PTK7: variants seen among roughly 807,000 people sequenced by gnomAD.
PTK7 encodes the protein inactive tyrosine-protein kinase 7.
PTK7 carries 39 observed loss-of-function variants against 116.6 expected under a neutral mutation model. That is an observed-to-expected ratio of 0.33 (90% CI 0.26 to 0.44). The LOEUF is 0.44. PTK7 is among the 20% of genes least tolerant of loss of function. PTK7 has a pLI of 1.00. For synonymous variants in PTK7, 546 were observed against 563.6 expected (o/e 0.97, Z 0.44); for missense variants, 1,169 against 1,425.6 (o/e 0.82, Z 2.90).
intron 1 of PTK7, among the ~76,000 whole-genome samples, chr6:43,084,407 TG>T (rs1266652670): frequency 6.6e-6 from 1 of 152,198 alleles, no homozygotes; most frequent in Non-Finnish European, 1.5e-5. Context: ...CTTGCCAAAG[TG>T]TTGGGATTAC....
intron 1 of PTK7, among the ~76,000 whole-genome samples, chr6:43,117,012 C>T (rs1213712852): frequency 6.6e-6 from 1 of 151,828 alleles, no homozygotes; most frequent in African/African-American, 2.4e-5. Flanking sequence ...TTAATAGGGA[C>T]GGGGTTTCAC....
At chr6:43,130,913 C>T (rs924439872) in intron 5 of PTK7, among the ~76,000 whole-genome samples, 49 of 152,244 alleles carry the variant, frequency 3.2e-4, no homozygotes, top group Admixed American at 6.5e-4. Flanking sequence ...CTCCCCACCA[C>T]CCACATGGGT....
intron 1 of PTK7, among the ~76,000 whole-genome samples, chr6:43,124,668 C>T (rs958749412): frequency 4.6e-5 from 7 of 151,510 alleles, no homozygotes; most frequent in Non-Finnish European, 8.8e-5. Context: ...AGAGTGAGAC[C>T]CTATCTCAAA....
At position 43,141,678 on chromosome 6, in the gene PTK7, C is replaced by A. The variant is rs865936832; in HGVS notation, c.1629C>A (p.Ser543Arg). The change falls in exon 11 of 20, where the codon AGC (serine) becomes AGA (arginine). Residue 543 changes from serine (S) to arginine (R), a missense_variant. Around this residue, in one of 3 missense-constraint regions of PTK7, gnomAD observed 678 missense variants for 853.8 expected, o/e 0.79. Transcript: ENST00000230419. This position sits in a 1 kb window ranked among gnomAD's most constrained non-coding sequence, Gnocchi z 4.9. ...TTGTTACCCCTGCAGATGGGAGCAG[C>A]CTCCCAGAGTGGGTGACAGACAACG... ...TIKWERADGS[S>R]LPEWVTDNAG... 3.7e-6 allele frequency: 6 copies of A among 1,614,028 alleles called. No individual in the cohort carries two copies. In the Middle Eastern group the frequency reaches 5.0e-4, roughly 133 times the overall value.
At chr6:43,115,159 G>C (rs1030548910) in intron 1 of PTK7, among the ~76,000 whole-genome samples, 1 of 150,478 alleles carries the variant, frequency 6.6e-6, no homozygotes, top group African/African-American at 2.4e-5. Context: ...TACTTATTTT[G>C]CTATCTTTAG....
chr6:43,160,671 C>G (rs750779853), intron 19 of PTK7, 50 bp from the exon 20 acceptor site: 121 of 1,600,876 alleles, frequency 7.6e-5, no homozygotes, highest in Non-Finnish European at 9.4e-5. Context: ...AAGTGTTGAA[C>G]AAGTTGTTGA....
At chr6:43,119,700 T>A (rs1768846524) in intron 1 of PTK7, among the ~76,000 whole-genome samples, 1 of 152,152 alleles carries the variant, frequency 6.6e-6, no homozygotes, top group Non-Finnish European at 1.5e-5. Flanking sequence ...TATTTCCCAG[T>A]CTCCTGTTCC....
intron 7 of PTK7, among the ~76,000 whole-genome samples, chr6:43,136,430 C>T (rs1294357448): frequency 1.3e-5 from 2 of 152,104 alleles, no homozygotes; most frequent in African/African-American, 2.4e-5. Flanking sequence ...TGGGCCCGCT[C>T]GTCTACCTGG....
chr6:43,081,843 T>C (rs1766400728), intron 1 of PTK7, among the ~76,000 whole-genome samples: 2 of 152,166 alleles, frequency 1.3e-5, no homozygotes, highest in African/African-American at 2.4e-5. Flanking sequence ...CCAGCTTCTT[T>C]GAGTTGGGGT....
At chr6:43,142,126 C>G in intron 12 of PTK7, 45 bp downstream of exon 12, 1 of 1,611,396 alleles carries the variant, frequency 6.2e-7, no homozygotes, top group Non-Finnish European at 8.5e-7. Context: ...CTCCTGCAGC[C>G]CCCCTCCCTG....
At chr6:43,142,130 C>A (rs774540557) in intron 12 of PTK7, 42 bp from the exon 13 acceptor site, 3 of 1,611,888 alleles carry the variant, frequency 1.9e-6, no homozygotes, top group Admixed American at 3.3e-5. Context: ...TGCAGCCCCC[C>A]TCCCTGCGAG....
intron 7 of PTK7, chr6:43,133,694 A>G (rs1769849243): frequency 6.6e-6 from 1 of 152,244 alleles, no homozygotes; most frequent in Non-Finnish European, 1.5e-5. Context: ...ATACACAATA[A>G]AAATTACAAT....
rs773505490 is a variant in PTK7, at chr6:43,158,985, G to C, written c.2873+17G>C. 1 of 1,612,300 alleles carries C rather than the reference G, an allele frequency of 6.2e-7. No homozygotes were observed. The highest frequency in any genetic ancestry group is 1.1e-5 in the South Asian group (1 of 91,052). ...GTACAACAGGTAGAAGGGCATGCGT[G>C]GGGTGGGGGCTCCCCATTTTTTCCC... On this transcript the variant is annotated intron_variant, in intron 18 of 19. Transcript: ENST00000230419.
intron 1 of PTK7, among the ~76,000 whole-genome samples, chr6:43,080,388 C>T (rs540414178): frequency 1.3e-5 from 2 of 152,082 alleles, no homozygotes; most frequent in African/African-American, 4.8e-5. Flanking sequence ...ACTTGTAATA[C>T]CTATTACAAT....
chr6:43,160,893 G>A lies in PTK7; in HGVS notation c.*12G>A, dbSNP rs375304390. 173 of 1,612,660 alleles carry A rather than the reference G, an allele frequency of 1.1e-4. No homozygotes were observed. Among genetic ancestry groups the A allele is most frequent in the East Asian group, 2.2e-4 (10 of 44,856 alleles). ...ACAGCAAGCCGTGAGGAGGGAGCCCGCTCAGGATGGCCTGGGCAGGGGAGG... is the reference window on the plus strand; with the variant it reads ...ACAGCAAGCCGTGAGGAGGGAGCCCACTCAGGATGGCCTGGGCAGGGGAGG... On this transcript the variant is annotated 3_prime_UTR_variant, in exon 20 of 20. Coordinates refer to ENST00000230419, the MANE Select transcript of PTK7 (RefSeq NM_002821.5).
In PTK7 at chr6:43,099,259, G is replaced by A. The variant is rs559142924; in HGVS notation, c.79+22692G>A. Among the ~76,000 whole-genome samples the A allele has an allele frequency of 1.0e-3, 149 of 147,602 alleles. 1 individual carries two copies. The highest frequency in any genetic ancestry group is 2.1e-3 in the Admixed American group (32 of 14,944). The stretch of plus-strand genomic sequence containing the variant: ...CCTTTTTTTTTTTTTTTGAGATAGG[G>A]TCTCACTCTGTCACCCAGACTGGAG... On this transcript the variant is annotated intron_variant, in intron 1 of 19. Coordinates refer to ENST00000230419, the MANE Select transcript of PTK7 (RefSeq NM_002821.5).
intron 17 of PTK7, 124 bp downstream of exon 17, chr6:43,146,822 A>G (rs1295463559): frequency 1.1e-5 from 9 of 783,974 alleles, no homozygotes; most frequent in Non-Finnish European, 1.9e-5. Context: ...CACATGTGTT[A>G]CTGTAATTAT....
chr6:43,151,003 A>T (rs1771042617), intron 17 of PTK7, among the ~76,000 whole-genome samples: 1 of 149,180 alleles, frequency 6.7e-6, no homozygotes, highest in Non-Finnish European at 1.5e-5. Flanking sequence ...TTGTATTTTT[A>T]GCAGGGATGA....
At chr6:43,152,400 C>T (rs1394347035) in intron 17 of PTK7, among the ~76,000 whole-genome samples, 1 of 152,182 alleles carries the variant, frequency 6.6e-6, no homozygotes, top group Non-Finnish European at 1.5e-5. Context: ...CGTGGTGGCG[C>T]ATGCCTGTAG....
Sources: gnomAD v4.1 joint callset for allele counts (sites outside exome capture counted in the v4.1 genomes callset) on GRCh38, gnomAD v4.1.1 for gene constraint, gnomAD v4.1.1 regional missense constraint, Gnocchi (gnomAD v3.1) non-coding constraint, MANE v1.5 for transcripts, NCBI Gene and HGNC (gene_info 2026-07-23, HGNC 2026-07-21) for gene names.